The following TNRC6B variants were observed in gnomAD, a reference collection of about 807,000 sequenced individuals.
TNRC6B encodes trinucleotide repeat containing adaptor 6B.
TNRC6B carries 52 observed loss-of-function variants against 203.6 expected under a neutral mutation model. That is an observed-to-expected ratio of 0.26 (90% confidence interval 0.20 to 0.32). The LOEUF is 0.32. TNRC6B is among the 10% of genes least tolerant of loss of function. The pLI is 1.00. For missense variants in TNRC6B, 1,923 were observed against 2,286.2 expected (o/e 0.84, Z 3.24); for synonymous variants, 838 against 845.7 (o/e 0.99, Z 0.16).
chr22:40,317,994 T>G (rs1008388816), intron 21 of TNRC6B, among the ~76,000 whole-genome samples: 1 of 152,230 alleles, frequency 6.6e-6, no homozygotes, highest in Non-Finnish European at 1.5e-5. Flanking sequence ...CCTAATATGT[T>G]TGACATGTAT....
rs2070480122 is a variant in TNRC6B at position 40,266,366 on chromosome 22, A to T, written c.2136A>T (p.Gly712=). The change falls in exon 5 of 23, where the codon GGA becomes GGT. Residue 712 remains glycine (G), a synonymous_variant. Coordinates refer to ENST00000454349, the MANE Select transcript of TNRC6B (RefSeq NM_001162501.2). ...KNNNSSNWGG[G]RPDEKTPSSW... ...ACAACTCTTCCAACTGGGGAGGAGG[A>T]CGACCTGATGAAAAGACACCTTCCT... 6.2e-7 allele frequency: 1 copy of T among 1,612,354 alleles called. No individual in the cohort carries two copies. The highest frequency in any genetic ancestry group is 8.5e-7 in the Non-Finnish European group (1 of 1,179,236).
intron 3 of TNRC6B, among the ~76,000 whole-genome samples, chr22:40,152,271 C>T (rs1036887203): frequency 6.6e-6 from 1 of 152,138 alleles, no homozygotes; most frequent in Non-Finnish European, 1.5e-5. Context: ...TAGAAGACAA[C>T]GGAGCATCAC....
rs530288990 is a variant in TNRC6B at position 40,050,134 on chromosome 22, T to G, written c.-121+5136T>G. On this transcript the variant is annotated intron_variant, in intron 1 of 23. Transcript: ENST00000301923. ...TATTTCAAACCTGGAATCCTGCTAC[T>G]TAGTTACGATACTGGCTGCTGCCCC... Among the ~76,000 whole-genome samples the G allele has an allele frequency of 8.5e-5, 13 of 152,292 alleles. No individual in the cohort carries two copies. In the South Asian group the frequency reaches 2.5e-3, roughly 29 times the overall value.
At chr22:40,280,882 A>G (rs2070714073) in intron 10 of TNRC6B, among the ~76,000 whole-genome samples, 5 of 152,256 alleles carry the variant, frequency 3.3e-5, no homozygotes, top group Admixed American at 3.3e-4. Context: ...TTGTAATGCA[A>G]TGGACAGAAC....
In TNRC6B at chr22:40,331,567, C is replaced by T. The variant is rs2071465983; in HGVS notation, c.*8326C>T. 1 of 373,810 alleles carries T rather than the reference C, an allele frequency of 2.7e-6. No homozygotes were observed. The highest frequency in any genetic ancestry group is 4.6e-5 in the Admixed American group (1 of 21,570). The allele number at this position is 373,810 out of a possible 1,614,324, so 23.2% of individuals were successfully genotyped here. On this transcript the variant is annotated 3_prime_UTR_variant, in exon 23 of 23. Transcript: ENST00000454349. ...AGATGCTGCTTCTGCGCTTTGCTCT[C>T]ATTCCTCTCTCATGGCCTTGAAATG...
chr22:40,104,380 C>T (rs1307796265), intron 1 of TNRC6B, among the ~76,000 whole-genome samples: 1 of 152,206 alleles, frequency 6.6e-6, no homozygotes, highest in East Asian at 1.9e-4. Context: ...CCTGTATTCT[C>T]AGGTTATTGC....
chr22:40,300,686 C>A, intron 13 of TNRC6B, 100 bp downstream of exon 13: 3 of 1,448,776 alleles, frequency 2.1e-6, no homozygotes, highest in South Asian at 1.4e-5. Flanking sequence ...TTTCTATGTT[C>A]AAAGGGTGCT....
intron 3 of TNRC6B, among the ~76,000 whole-genome samples, chr22:40,138,233 A>C (rs961615539): frequency 1.3e-5 from 2 of 152,166 alleles, no homozygotes; most frequent in Non-Finnish European, 2.9e-5. Flanking sequence ...GAAATAGGAG[A>C]TAGAGCAAGG....
intron 2 of TNRC6B, among the ~76,000 whole-genome samples, chr22:40,247,791 C>T (rs1348975769): frequency 6.6e-6 from 1 of 152,072 alleles, no homozygotes; most frequent in Non-Finnish European, 1.5e-5. Context: ...GCCAGATTGC[C>T]TGGTGTGGTG....
At chr22:40,080,197 C>T (rs962184134) in intron 1 of TNRC6B, among the ~76,000 whole-genome samples, 1 of 150,908 alleles carries the variant, frequency 6.6e-6, no homozygotes, top group Non-Finnish European at 1.5e-5. Context: ...CCCACCTCAG[C>T]CTCCCAAAGT....
At chr22:40,078,999 G>T (rs868338717) in intron 1 of TNRC6B, among the ~76,000 whole-genome samples, 1 of 151,702 alleles carries the variant, frequency 6.6e-6, no homozygotes, top group Non-Finnish European at 1.5e-5. Context: ...GCATGAACTC[G>T]GGAGGCAGAG....
intron 1 of TNRC6B, among the ~76,000 whole-genome samples, chr22:40,082,616 G>A (rs569700447): frequency 1.4e-4 from 22 of 152,272 alleles, no homozygotes; most frequent in African/African-American, 4.6e-4. Flanking sequence ...ATTTTTACAG[G>A]TATGTATCCA....
chr22:40,119,530 G>A (rs1362252248), intron 2 of TNRC6B, among the ~76,000 whole-genome samples: 1 of 152,234 alleles, frequency 6.6e-6, no homozygotes, highest in Non-Finnish European at 1.5e-5. Context: ...GTTGCAGTGA[G>A]CTGATATTGC....
At chr22:40,319,422 C>CTTTTTTT (rs374148213) in intron 21 of TNRC6B, among the ~76,000 whole-genome samples, 4 of 112,708 alleles carry the variant, frequency 3.5e-5, no homozygotes, top group Non-Finnish European at 5.9e-5. Flanking sequence ...CTTTTCTTTT[C>CTTTTTTT]TTTTTTTTTT....
chr22:40,123,187 A>G (rs1415465435), intron 2 of TNRC6B, among the ~76,000 whole-genome samples: 2 of 152,100 alleles, frequency 1.3e-5, no homozygotes, highest in East Asian at 3.8e-4. Flanking sequence ...AAGTGAGTGG[A>G]GGGGCAGAAG....
At position 40,067,305 on chromosome 22, in the gene TNRC6B, T is replaced by C. The variant is rs551749941; in HGVS notation, c.-121+22307T>C. On this transcript the variant is annotated intron_variant, in intron 1 of 23. Transcript: ENST00000301923. The stretch of plus-strand genomic sequence containing the variant: ...ATTCATATACGATGTTGAATTCCAG[T>C]AGCATGAGCGCATATCTGTATTTGT... Among the ~76,000 whole-genome samples, 117 of 152,270 alleles carry C rather than the reference T, an allele frequency of 7.7e-4. 1 individual carries two copies. In the Middle Eastern group the frequency reaches 0.014, roughly 18 times the overall value.
rs772806863 is a variant in TNRC6B at position 40,323,256 on chromosome 22, A to C, written c.*15A>C. On this transcript the variant is annotated 3_prime_UTR_variant, in exon 23 of 23. Transcript: ENST00000454349. ...ATTCAATCTGAACTTAGAACTTTCA[A>C]CTCTGACCTCGTGACCTTTTTTGGA... is the stretch of plus-strand genomic sequence containing the variant. The C allele has an allele frequency of 6.3e-7, 1 of 1,597,658 alleles. No homozygotes were observed. Among genetic ancestry groups the C allele is most frequent in the East Asian group, 2.2e-5 (1 of 44,654 alleles).
rs1569061085 is a variant in TNRC6B at position 40,301,313 on chromosome 22, C to T, written c.4100C>T (p.Pro1367Leu). ...CTCCCAGACCTTCAAACCAAAGGGC[C>T]AATACCTGGATATGGTTCTGGTAAG... The part of the protein sequence containing the change: ...VGLPDLQTKG[P>L]IPGYGSGFSS... The change falls in exon 15 of 23, where the codon CCA (proline) becomes CTA (leucine). Residue 1367 changes from proline to leucine, a missense_variant. Around this residue, in one of 8 missense-constraint regions of TNRC6B, gnomAD observed 242 missense variants for 399.5 expected, o/e 0.61. Coordinates refer to ENST00000454349, the MANE Select transcript of TNRC6B (RefSeq NM_001162501.2). The T allele has an allele frequency of 1.2e-6, 2 of 1,606,560 alleles. No homozygotes were observed. Among genetic ancestry groups the T allele is most frequent in the Admixed American group, 3.4e-5 (2 of 59,028 alleles).
At chr22:40,105,680 ATTGT>A (rs1442269253) in intron 1 of TNRC6B, among the ~76,000 whole-genome samples, 1 of 152,056 alleles carries the variant, frequency 6.6e-6, no homozygotes, top group Non-Finnish European at 1.5e-5. Flanking sequence ...TGTACTTACC[ATTGT>A]GCTATTGAGG....
Sources: gnomAD v4.1 joint callset for allele counts (sites outside exome capture counted in the v4.1 genomes callset) on GRCh38, gnomAD v4.1.1 for gene constraint, gnomAD v4.1.1 regional missense constraint, MANE v1.5 for transcripts, NCBI Gene and HGNC (gene_info 2026-07-23, HGNC 2026-07-21) for gene names.